The following STX8 variants were observed in gnomAD, a reference collection of about 807,000 sequenced individuals.
STX8 encodes syntaxin 8.
In STX8, 23 loss-of-function variants were observed where a neutral mutation model predicts 37.5. That is an observed-to-expected ratio of 0.61 (90% CI 0.44 to 0.87). The LOEUF (loss-of-function observed/expected upper bound fraction) is 0.87. Among genes scored for constraint, STX8 ranks in the 40% least tolerant of loss-of-function variants. The pLI, the probability that STX8 is intolerant of heterozygous loss-of-function variation, is 0.00. For missense variants in STX8, 313 were observed against 284.7 expected, an observed-to-expected ratio of 1.10 and a Z score of -0.71; for synonymous variants, 115 against 99.1, an observed-to-expected ratio of 1.16 and a Z score of -0.95.
chr17:9,443,270 A>C lies in STX8; in HGVS notation c.541+48559T>G, dbSNP rs370216914. ...TTGGAGCTGAATGATTAAATCAACT[A>C]CTGAAAGCAGCCATAGGGCCTTCAA... On this transcript the variant is annotated intron_variant, in intron 6 of 7. Coordinates refer to ENST00000306357, the MANE Select transcript of STX8 (RefSeq NM_004853.3). 5.3e-5 allele frequency among the ~76,000 whole-genome samples: 8 copies of C among 152,350 alleles called. No individual in the cohort carries two copies. In the East Asian group the frequency reaches 1.2e-3, roughly 22 times the overall value.
At chr17:9,369,862 T>C (rs1911345777) in intron 7 of STX8, among the ~76,000 whole-genome samples, 1 of 113,370 alleles carries the variant, frequency 8.8e-6, no homozygotes, top group Admixed American at 1.3e-4. Flanking sequence ...CCAGCCAGGA[T>C]GACAGACCAG....
chr17:9,293,885 C>A (rs552277056), intron 7 of STX8, among the ~76,000 whole-genome samples: 10 of 152,144 alleles, frequency 6.6e-5, no homozygotes, highest in Non-Finnish European at 1.3e-4. Flanking sequence ...TCTCAGCCTC[C>A]CAAGTACCTG....
intron 7 of STX8, among the ~76,000 whole-genome samples, chr17:9,261,231 G>A (rs7215135): frequency 0.24 from 37,089 of 152,116 alleles, 7,433 homozygotes; most frequent in African/African-American, 0.53. Context: ...CGCTTGGTCA[G>A]TGGAGACCGC....
intron 6 of STX8, among the ~76,000 whole-genome samples, chr17:9,380,532 C>T (rs1289140349): frequency 2.0e-5 from 3 of 151,478 alleles, no homozygotes; most frequent in Middle Eastern, 3.2e-3. Flanking sequence ...AGGATTACAA[C>T]CATGAGTCAC....
intron 7 of STX8, among the ~76,000 whole-genome samples, chr17:9,277,161 C>A (rs751400119): frequency 2.6e-5 from 4 of 152,074 alleles, no homozygotes; most frequent in Non-Finnish European, 5.9e-5. Context: ...GAGTTTACAG[C>A]GTCAGTAGGT....
At chr17:9,361,745 T>A (rs1022385537) in intron 7 of STX8, among the ~76,000 whole-genome samples, 1 of 152,226 alleles carries the variant, frequency 6.6e-6, no homozygotes, top group Non-Finnish European at 1.5e-5. Context: ...TCTCATTCTC[T>A]GAGCACGCAC....
chr17:9,394,500 G>A (rs112436648), intron 6 of STX8, among the ~76,000 whole-genome samples: 2,629 of 151,498 alleles, frequency 0.017, 90 homozygotes, highest in African/African-American at 0.059. Flanking sequence ...GAGTAGCTGG[G>A]ATTACAGGCG....
chr17:9,558,825 A>G (rs1166331798), intron 2 of STX8, among the ~76,000 whole-genome samples: 3 of 151,478 alleles, frequency 2.0e-5, no homozygotes, highest in Non-Finnish European at 4.4e-5. Flanking sequence ...TCCGTCTCAA[A>G]AAAAAAAAAA....
chr17:9,545,148 T>A, intron 4 of STX8, 24 bp downstream of exon 4: 1 of 1,537,760 alleles, frequency 6.5e-7, no homozygotes. Context: ...CACCAAGTAA[T>A]CCCTGTAAAT....
At chr17:9,456,020 C>G (rs905610077) in intron 6 of STX8, among the ~76,000 whole-genome samples, 1 of 152,100 alleles carries the variant, frequency 6.6e-6, no homozygotes, top group Non-Finnish European at 1.5e-5. Flanking sequence ...CACCCTCCCT[C>G]CCTAACCTGA....
At chr17:9,487,551 C>G (rs925860113) in intron 6 of STX8, among the ~76,000 whole-genome samples, 2 of 152,066 alleles carry the variant, frequency 1.3e-5, no homozygotes, top group African/African-American at 4.8e-5. Flanking sequence ...CTGACTCTGC[C>G]CTATCTCCGA....
intron 7 of STX8, among the ~76,000 whole-genome samples, chr17:9,282,060 A>G (rs2142153176): frequency 6.6e-6 from 1 of 152,234 alleles, no homozygotes; most frequent in Admixed American, 6.5e-5. Context: ...TCCCCCCTCT[A>G]TCTGAGATTT....
chr17:9,335,956 T>C (rs573192380), intron 7 of STX8, among the ~76,000 whole-genome samples: 41 of 152,210 alleles, frequency 2.7e-4, no homozygotes, highest in Non-Finnish European at 5.6e-4. Flanking sequence ...TATTGATTTC[T>C]TGAGACAAAA....
chr17:9,557,410 A>G (rs1907023110), intron 3 of STX8, 24 bp downstream of exon 3: 1 of 1,577,142 alleles, frequency 6.3e-7, no homozygotes, highest in South Asian at 1.1e-5. Context: ...TCTAGAAAAG[A>G]GGTGGAAATG....
rs533901110 is a variant in STX8, at chr17:9,515,139, A to C, written c.324-9977T>G. Among the ~76,000 whole-genome samples the C allele has an allele frequency of 2.6e-5, 4 of 152,350 alleles. No individual in the cohort carries two copies. The South Asian group carries it at 8.3e-4, about 32-fold the overall frequency. ...TGCTGTTTGCATTCTGGTGGGATGA[A>C]ACAATGTGTAAAATGTGTGCAAACT... On this transcript the variant is annotated intron_variant, in intron 4 of 7. Transcript: ENST00000306357.
chr17:9,340,900 G>T (rs1435404133), intron 7 of STX8, among the ~76,000 whole-genome samples: 1 of 149,926 alleles, frequency 6.7e-6, no homozygotes, highest in Non-Finnish European at 1.5e-5. Context: ...CAGGTGATCT[G>T]CCTGCCTCGG....
At chr17:9,300,458 T>TGCTTCA (rs909555435) in intron 7 of STX8, among the ~76,000 whole-genome samples, 4 of 152,298 alleles carry the variant, frequency 2.6e-5, no homozygotes, top group South Asian at 2.1e-4. Flanking sequence ...CCTTTTATTT[T>TGCTTCA]GCTTCAGCTA....
intron 6 of STX8, among the ~76,000 whole-genome samples, chr17:9,425,092 G>A (rs781122286): frequency 1.2e-4 from 18 of 152,184 alleles, no homozygotes; most frequent in Non-Finnish European, 1.5e-4. Flanking sequence ...AGAGGCCACA[G>A]TTTCTGACTA....
chr17:9,272,252 T>C lies in STX8; in HGVS notation c.644-21607A>G, dbSNP rs527808466. Reference sequence around the variant, plus strand: ...TGCCAGATTGCCGGGCTTTGCTGTGTCACATCAGGCTGACACAGATGGCCT... The same window carrying C: ...TGCCAGATTGCCGGGCTTTGCTGTGCCACATCAGGCTGACACAGATGGCCT... On this transcript the variant is annotated intron_variant, in intron 7 of 7. Transcript: ENST00000306357. 1.9e-3 allele frequency among the ~76,000 whole-genome samples: 288 copies of C among 152,338 alleles called. 2 individuals are homozygous for C. The highest frequency in any genetic ancestry group is 6.8e-3 in the African/African-American group (284 of 41,582).
Sources: gnomAD v4.1 joint callset for allele counts (sites outside exome capture counted in the v4.1 genomes callset) on GRCh38, gnomAD v4.1.1 for gene constraint, MANE v1.5 for transcripts, NCBI Gene and HGNC (gene_info 2026-07-23, HGNC 2026-07-21) for gene names.